Variants in NBAS observed in about 807,000 individuals in gnomAD.
The protein encoded by NBAS is NBAS subunit of NRZ tethering complex.
In NBAS, 219 loss-of-function variants were observed where a neutral mutation model predicts 302.5. The ratio of observed to expected loss-of-function variants is 0.72; its 90% CI spans 0.65 to 0.81. NBAS has a LOEUF of 0.81. Ranked by LOEUF, NBAS falls within the 30% of genes least tolerant of loss-of-function variation. NBAS has a pLI of 0.00. For synonymous variants in NBAS, 1,118 were observed against 1,021.6 expected, an observed-to-expected ratio of 1.09 and a Z score of -1.80; for missense variants, 2,932 against 2,841.6, an observed-to-expected ratio of 1.03 and a Z score of -0.72.
chr2:15,512,471 G>C (rs1386675202), intron 9 of NBAS, among the ~76,000 whole-genome samples: 1 of 152,160 alleles, frequency 6.6e-6, no homozygotes, highest in Non-Finnish European at 1.5e-5. Context: ...TGCAGTCTGT[G>C]AGTATGTTCT....
intron 44 of NBAS, among the ~76,000 whole-genome samples, chr2:15,250,341 A>T (rs1207423004): frequency 6.6e-6 from 1 of 152,250 alleles, no homozygotes; most frequent in Non-Finnish European, 1.5e-5. Context: ...TAAACATAAG[A>T]CCTAAAACCA....
chr2:15,108,405 C>T, the NBAS span, among the ~76,000 whole-genome samples: 1 of 152,142 alleles, frequency 6.6e-6, no homozygotes, highest in Non-Finnish European at 1.5e-5. Flanking sequence ...GATATAAACC[C>T]AAGTCTCTCT....
chr2:15,478,217 A>G lies in NBAS; in HGVS notation c.1147+9T>C. On this transcript the variant is annotated intron_variant, in intron 13 of 51. Transcript: ENST00000281513. ...TAAGGTTTCAATTATCACATTTCGT[A>G]GAACTCACCTTTGATTTTTTTTCTC... 2 of 1,569,874 alleles carry G rather than the reference A, an allele frequency of 1.3e-6. No individual in the cohort carries two copies. The highest frequency in any genetic ancestry group is 1.8e-6 in the Non-Finnish European group (2 of 1,139,790).
the NBAS span, among the ~76,000 whole-genome samples, chr2:15,049,224 C>T: frequency 2.3e-4 from 35 of 152,344 alleles, no homozygotes; most frequent in African/African-American, 7.9e-4. Context: ...GCCAGTCACC[C>T]GCCTGCCAAG....
chr2:15,121,907 T>G, the NBAS span, among the ~76,000 whole-genome samples: 1 of 152,214 alleles, frequency 6.6e-6, no homozygotes, highest in Non-Finnish European at 1.5e-5. Flanking sequence ...GTTTTACTTA[T>G]CGTATGTACT....
intron 23 of NBAS, among the ~76,000 whole-genome samples, chr2:15,417,977 A>C: frequency 6.6e-6 from 1 of 152,248 alleles, no homozygotes; most frequent in East Asian, 1.9e-4. Flanking sequence ...GTAGAGCGTT[A>C]CAGTTCACAA....
At chr2:15,298,437 GT>G (rs1670649222) in intron 40 of NBAS, among the ~76,000 whole-genome samples, 1 of 152,134 alleles carries the variant, frequency 6.6e-6, no homozygotes, top group African/African-American at 2.4e-5. Context: ...TGGATTACTA[GT>G]TTTTCCCTCT....
the NBAS span, among the ~76,000 whole-genome samples, chr2:14,855,437 G>A: frequency 6.6e-6 from 1 of 151,858 alleles, no homozygotes; most frequent in African/African-American, 2.4e-5. Context: ...ATTGCTACAG[G>A]GAGACAGAAA....
chr2:15,478,205 A>G lies in NBAS; in HGVS notation c.1147+21T>C, dbSNP rs756800238. ...ATAGGAGTATATTAAGGTTTCAATT[A>G]TCACATTTCGTAGAACTCACCTTTG... On this transcript the variant is annotated intron_variant, in intron 13 of 51. Transcript: ENST00000281513. 7 of 1,509,516 alleles carry G rather than the reference A, an allele frequency of 4.6e-6. No homozygotes were observed. In the East Asian group the frequency reaches 1.6e-4, roughly 34 times the overall value. The allele number at this position is 1,509,516 out of a possible 1,614,324, so 93.5% of individuals were successfully genotyped here.
the NBAS span, among the ~76,000 whole-genome samples, chr2:14,894,991 G>A: frequency 6.6e-6 from 1 of 152,168 alleles, no homozygotes; most frequent in Admixed American, 6.5e-5. Flanking sequence ...GGAAGGCAAA[G>A]GTTGCAGTGA....
chr2:15,184,757 T>C (rs1250934872), intron 50 of NBAS, among the ~76,000 whole-genome samples: 1 of 152,212 alleles, frequency 6.6e-6, no homozygotes, highest in East Asian at 1.9e-4. Context: ...CACATAACTG[T>C]TACTGAGCCT....
intron 48 of NBAS, among the ~76,000 whole-genome samples, chr2:15,194,501 A>G (rs1251883723): frequency 6.6e-6 from 1 of 152,184 alleles, no homozygotes; most frequent in Admixed American, 6.5e-5. Context: ...TCAGACAAAG[A>G]CAAATTAAAA....
the NBAS span, among the ~76,000 whole-genome samples, chr2:14,924,990 A>C: frequency 6.6e-6 from 1 of 152,218 alleles, no homozygotes; most frequent in Admixed American, 6.5e-5. Context: ...AGAGACTGAC[A>C]GCTGAGGTTG....
the NBAS span, among the ~76,000 whole-genome samples, chr2:15,009,693 C>CATATAGATATATATAT: frequency 7.9e-6 from 1 of 126,548 alleles, no homozygotes; most frequent in African/African-American, 2.9e-5. Context: ...TGTAGGAATG[C>CATATAGATATATATAT]ATATATATAT....
the NBAS span, among the ~76,000 whole-genome samples, chr2:14,840,121 T>A: frequency 6.6e-6 from 1 of 151,866 alleles, no homozygotes; most frequent in Non-Finnish European, 1.5e-5. Context: ...ATCTTGGAAC[T>A]AAGAAATGCA....
intron 40 of NBAS, among the ~76,000 whole-genome samples, chr2:15,305,880 G>C (rs1418845648): frequency 6.6e-6 from 1 of 152,208 alleles, no homozygotes; most frequent in East Asian, 1.9e-4. Context: ...GAATGGAAGA[G>C]TGAGATCTAA....
At chr2:15,343,703 TCTTA>T (rs1486083448) in intron 35 of NBAS, among the ~76,000 whole-genome samples, 1 of 151,986 alleles carries the variant, frequency 6.6e-6, no homozygotes, top group Non-Finnish European at 1.5e-5. Flanking sequence ...GACAACTTAT[TCTTA>T]CTTAAATAAG....
At chr2:15,545,564 T>A (rs1018119141) in intron 6 of NBAS, among the ~76,000 whole-genome samples, 8 of 152,016 alleles carry the variant, frequency 5.3e-5, no homozygotes, top group Non-Finnish European at 1.0e-4. Context: ...TAGGGAAAAA[T>A]TCCACAAAAA....
At position 15,383,213 on chromosome 2, in the gene NBAS, AC is replaced by A; in HGVS notation, c.3360+1del. ...AAAAATCGTATATGGTTCTAGAGTT[AC>A]CTCATAGCAGGCATCAGAATCTAGA... On this transcript the variant is annotated splice_donor_variant, in intron 29 of 51. Coordinates refer to ENST00000281513, the MANE Select transcript of NBAS (RefSeq NM_015909.4). LOFTEE classifies it high-confidence loss of function. 1.2e-6 allele frequency: 2 copies of A among 1,610,676 alleles called. No individual in the cohort carries two copies. The highest frequency in any genetic ancestry group is 8.5e-7 in the Non-Finnish European group (1 of 1,176,970).
Sources: gnomAD v4.1 joint callset for allele counts (sites outside exome capture counted in the v4.1 genomes callset) on GRCh38, gnomAD v4.1.1 for gene constraint, MANE v1.5 for transcripts, NCBI Gene and HGNC (gene_info 2026-07-23, HGNC 2026-07-21) for gene names.